GLS: variants seen among roughly 807,000 people sequenced by gnomAD.
GLS encodes the protein glutaminase kidney isoform, mitochondrial.
Under a neutral mutation model 86.7 loss-of-function variants are expected in GLS, and 36 were observed. The observed-to-expected ratio is 0.42, with a 90% CI of 0.32 to 0.55. The LOEUF (loss-of-function observed/expected upper bound fraction) is 0.55. Ranked by LOEUF, GLS falls within the 20% of genes least tolerant of loss-of-function variation. The pLI, the probability that GLS is intolerant of heterozygous loss-of-function variation, is 0.17. For missense variants in GLS, 528 were observed against 833.4 expected (o/e 0.63, Z 4.51); for synonymous variants, 317 against 305.9 (o/e 1.04, Z -0.38).
rs759895315 is a variant in GLS, at chr2:190,931,550, T to G, written c.1563T>G (p.Leu521=). 1 of 1,499,290 alleles carries G rather than the reference T, an allele frequency of 6.7e-7. No homozygotes were observed. Among genetic ancestry groups the G allele is most frequent in the Non-Finnish European group, 9.2e-7 (1 of 1,081,106 alleles). 92.9% of individuals were successfully genotyped at this position (1,499,290 alleles called of 1,614,324 possible). A position where few individuals can be genotyped will look rare whatever the true frequency, so the allele number is the denominator to read the frequency against. ...SVKGIHFCHD[L]VSLCNFHNYD... ...CTCTGTATAACTGTTTACAGGATCT[T>G]GTTTCTCTGTGTAATTTCCATAACT... Residue 521 remains leucine (L), a synonymous_variant, in exon 14 of 18, where the codon CTT becomes CTG. Coordinates refer to ENST00000320717, the MANE Select transcript of GLS (RefSeq NM_014905.5).
chr2:190,881,134 C>G lies in GLS; in HGVS notation c.50C>G (p.Ser17Trp). ...ATGCTGCGGGACCTGCTCCTGCGGTCGCCCGCCGGCGTGAGCGCGACTCTG... is the reference window on the plus strand; with the variant it reads ...ATGCTGCGGGACCTGCTCCTGCGGTGGCCCGCCGGCGTGAGCGCGACTCTG... The part of the protein sequence containing the change: ...SGMLRDLLLR[S>W]PAGVSATLRR... The change falls in exon 1 of 18, where the codon TCG (serine) becomes TGG (tryptophan). Residue 17 changes from serine (S) to tryptophan (W), a missense_variant. Physicochemically the swap from Ser to Trp is radical, Grantham distance 177. This residue lies in a region of GLS where 224 missense variants were observed against 187.9 expected (regional missense o/e 1.19). Transcript: ENST00000320717. The G allele has an allele frequency of 6.4e-7, 1 of 1,555,942 alleles. No individual in the cohort carries two copies. Among genetic ancestry groups the G allele is most frequent in the East Asian group, 2.4e-5 (1 of 41,038 alleles).
At position 190,905,913 on chromosome 2, in the gene GLS, A is replaced by G. The variant is rs1689117665; in HGVS notation, c.979+746A>G. On this transcript the variant is annotated intron_variant, in intron 6 of 17. Transcript: ENST00000320717. This position sits in a 1 kb window ranked among gnomAD's most constrained non-coding sequence, Gnocchi z 4.6. ...TGAAGAAAGTGAGAGCGAAGTTTGT[A>G]GTAATGGCTGTGAGAGATACACTTT... 6.6e-6 allele frequency among the ~76,000 whole-genome samples: 1 copy of G among 152,154 alleles called. No homozygotes were observed.
At position 190,893,591 on chromosome 2, in the gene GLS, T is replaced by G. The variant is rs187314641; in HGVS notation, c.387-1561T>G. On this transcript the variant is annotated intron_variant, in intron 1 of 17. Transcript: ENST00000320717. ...GTTATTATTACTAAAACATCCCAAA[T>G]GTATTTTTTTTGGAGACAGAGTCTC... 1.4e-4 allele frequency among the ~76,000 whole-genome samples: 22 copies of G among 152,240 alleles called. No homozygotes were observed. The East Asian group carries it at 4.3e-3, about 29-fold the overall frequency.
At chr2:190,929,941 G>A (rs538948545) in intron 12 of GLS, among the ~76,000 whole-genome samples, 33 of 151,692 alleles carry the variant, frequency 2.2e-4, no homozygotes, top group Non-Finnish European at 4.4e-4. Context: ...TCTGCCTCCC[G>A]GGTTCACCTT....
intron 1 of GLS, among the ~76,000 whole-genome samples, chr2:190,890,669 C>A (rs2125978778): frequency 6.6e-6 from 1 of 152,266 alleles, no homozygotes; most frequent in South Asian, 2.1e-4. Flanking sequence ...TGTTATCAGT[C>A]AGCTCACTAT....
rs367999647 is a variant in GLS at position 190,928,892 on chromosome 2, G to GTTTTTT, written c.1425+1429_1425+1434dup. Reference sequence around the variant, plus strand: ...AAATTTGTAGATCCAATTCAGGTGTGTTTTTTTTTTTTTTTTTTTTTTTTG... The same window carrying GTTTTTT: ...AAATTTGTAGATCCAATTCAGGTGTGTTTTTTTTTTTTTTTTTTTTTTTTTTTTTTG... On this transcript the variant is annotated intron_variant, in intron 12 of 17. Coordinates refer to ENST00000320717, the MANE Select transcript of GLS (RefSeq NM_014905.5). Among the ~76,000 whole-genome samples the GTTTTTT allele has an allele frequency of 1.5e-3, 19 of 12,808 alleles. 3 individuals carry two copies. Among genetic ancestry groups the GTTTTTT allele is most frequent in the Admixed American group, 7.6e-3 (6 of 786 alleles). The allele number at this position is 12,808 out of a possible 152,430, so 8.4% of individuals were successfully genotyped here.
chr2:190,912,619 A>G (rs148700855), intron 7 of GLS, among the ~76,000 whole-genome samples: 29 of 152,252 alleles, frequency 1.9e-4, no homozygotes, highest in African/African-American at 6.7e-4. Flanking sequence ...TACTTTATAT[A>G]ACGGAGGAAA....
In GLS at chr2:190,942,900, G is replaced by A. The variant is rs1232682476; in HGVS notation, c.1651-10665G>A. Among the ~76,000 whole-genome samples, 8 of 152,188 alleles carry A rather than the reference G, an allele frequency of 5.3e-5. No homozygotes were observed. In the East Asian group the frequency reaches 1.5e-3, roughly 29 times the overall value. On this transcript the variant is annotated intron_variant, in intron 14 of 17. Transcript: ENST00000320717. ...CTGTTACACAAGCCTTAAGTGTGTTGATCTTAGAAATCACGCCTATCAACT... is the reference window on the plus strand; with the variant it reads ...CTGTTACACAAGCCTTAAGTGTGTTAATCTTAGAAATCACGCCTATCAACT...
rs1216167252 is a variant in GLS at position 190,924,753 on chromosome 2, A to G, written c.1248+160A>G. On this transcript the variant is annotated intron_variant, in intron 11 of 17. Transcript: ENST00000320717. This position sits in a 1 kb window ranked among gnomAD's most constrained non-coding sequence, Gnocchi z 5.2. ...AACATGGTGAAACCCCATCTCTACT[A>G]AAAATACAAAAATTATTCGGGTGTG... The G allele has an allele frequency of 5.6e-6, 3 of 537,032 alleles. No individual in the cohort carries two copies. The allele number at this position is 537,032 out of a possible 1,614,324, so 33.3% of individuals were successfully genotyped here.
chr2:190,880,854 G>T lies in GLS; in HGVS notation c.-231G>T. On this transcript the variant is annotated 5_prime_UTR_variant, in exon 1 of 18. Coordinates refer to ENST00000320717, the MANE Select transcript of GLS (RefSeq NM_014905.5). ...GCCTTAGGCGGAGCGAAGAGAACCG[G>T]TCGCGGCAATCCTAGCGCGCAGCAG... The T allele has an allele frequency of 1.2e-6, 1 of 816,662 alleles. No homozygotes were observed. The highest frequency in any genetic ancestry group is 3.0e-5 in the East Asian group (1 of 33,530). 50.6% of individuals were successfully genotyped at this position (816,662 alleles called of 1,614,324 possible). A position where few individuals can be genotyped will look rare whatever the true frequency, so the allele number is the denominator to read the frequency against.
At chr2:190,927,919 C>T (rs544177927) in intron 12 of GLS, among the ~76,000 whole-genome samples, 1 of 152,282 alleles carries the variant, frequency 6.6e-6, no homozygotes, top group East Asian at 1.9e-4. Flanking sequence ...GCTTTAAGCT[C>T]TGTTGTGCAT....
chr2:190,895,335 C>A lies in GLS; in HGVS notation c.483+87C>A. The stretch of plus-strand genomic sequence containing the variant: ...ATTATTGAAATATAGTCTTAAAGGT[C>A]GTCTGACATGTAGATTCTGACTGAC... On this transcript the variant is annotated intron_variant, in intron 2 of 17. Transcript: ENST00000320717. This position sits in a 1 kb window ranked among gnomAD's most constrained non-coding sequence, Gnocchi z 4.2. The A allele has an allele frequency of 1.7e-6, 1 of 594,452 alleles. No homozygotes were observed. Among genetic ancestry groups the A allele is most frequent in the Non-Finnish European group, 3.0e-6 (1 of 337,130 alleles). The allele number at this position is 594,452 out of a possible 1,614,324, so 36.8% of individuals were successfully genotyped here.
chr2:190,881,517 C>T (rs939066682), intron 1 of GLS, 47 bp downstream of exon 1: 4 of 1,507,912 alleles, frequency 2.7e-6, no homozygotes, highest in African/African-American at 2.8e-5. Context: ...TTTCGGGGCC[C>T]GGGCTCAGGC....
In GLS at chr2:190,954,097, CT is replaced by C. The variant is rs35957111; in HGVS notation, c.1713-477del. On this transcript the variant is annotated intron_variant, in intron 15 of 17. Transcript: ENST00000320717. This position sits in a 1 kb window ranked among gnomAD's most constrained non-coding sequence, Gnocchi z 4.0. Reference sequence around the variant, plus strand: ...TTTGTGTAGAGTTGTAACTTATTTTCTTTTTTTTTTCTCCCATTAATACCTC... The same window carrying C: ...TTTGTGTAGAGTTGTAACTTATTTTCTTTTTTTTTCTCCCATTAATACCTC... 0.098 allele frequency among the ~76,000 whole-genome samples: 14,425 copies of C among 147,004 alleles called. 1,297 individuals carry two copies. Among genetic ancestry groups the C allele is most frequent in the Admixed American group, 0.3 (4,389 of 14,806 alleles).
At chr2:190,946,466 G>C (rs954346022) in intron 14 of GLS, among the ~76,000 whole-genome samples, 1 of 152,090 alleles carries the variant, frequency 6.6e-6, no homozygotes, top group Admixed American at 6.5e-5. Flanking sequence ...TCTCAAACTA[G>C]AGGTGGTAGA....
chr2:190,953,522 T>A lies in GLS; in HGVS notation c.1651-43T>A, dbSNP rs1310392066. ...CAGTGACAGGTGGACGTTGTATGTG[T>A]TTTCTCTCTCCTAAGGATGCCTAAA... On this transcript the variant is annotated intron_variant, in intron 14 of 17. Transcript: ENST00000320717. This position sits in a 1 kb window ranked among gnomAD's most constrained non-coding sequence, Gnocchi z 4.0. 3 of 1,353,548 alleles carry A rather than the reference T, an allele frequency of 2.2e-6. No homozygotes were observed. The highest frequency in any genetic ancestry group is 3.2e-6 in the Non-Finnish European group (3 of 943,304). 83.8% of individuals were successfully genotyped at this position (1,353,548 alleles called of 1,614,324 possible). A position where few individuals can be genotyped will look rare whatever the true frequency, so the allele number is the denominator to read the frequency against.
At chr2:190,958,355 TG>T (rs1187559341) in intron 17 of GLS, among the ~76,000 whole-genome samples, 1 of 152,178 alleles carries the variant, frequency 6.6e-6, no homozygotes, top group Non-Finnish European at 1.5e-5. Flanking sequence ...TCTATTTTGT[TG>T]ATGTTTTCAA....
intron 12 of GLS, among the ~76,000 whole-genome samples, chr2:190,928,861 T>G (rs577439510): frequency 6.8e-6 from 1 of 147,092 alleles, no homozygotes; most frequent in East Asian, 2.0e-4. Context: ...CCCTTGTATT[T>G]CCTATAAATT....
intron 14 of GLS, among the ~76,000 whole-genome samples, chr2:190,942,633 C>G (rs11677838): frequency 6.6e-6 from 1 of 152,056 alleles, no homozygotes; most frequent in Non-Finnish European, 1.5e-5. Context: ...GTATGAGCAA[C>G]AGGGCCAAAG....
Sources: allele counts gnomAD v4.1 joint callset (sites outside exome capture counted in the v4.1 genomes callset), GRCh38; gene constraint gnomAD v4.1.1; regional missense constraint gnomAD v4.1.1; non-coding constraint Gnocchi (gnomAD v3.1); transcripts MANE v1.5; gene names NCBI Gene and HGNC (gene_info 2026-07-23, HGNC 2026-07-21).